Variants in BRF1 observed in about 807,000 individuals in gnomAD.
BRF1 encodes the protein transcription factor IIIB 90 kDa subunit.
A neutral mutation model predicts 81.7 loss-of-function variants in BRF1; 59 were observed. That is an observed-to-expected ratio of 0.72 (90% CI 0.59 to 0.90). The LOEUF (loss-of-function observed/expected upper bound fraction) is 0.90. Ranked by LOEUF, BRF1 falls within the 40% of genes least tolerant of loss-of-function variation. The pLI is 0.00. For synonymous variants in BRF1, 491 were observed against 395.6 expected, an observed-to-expected ratio of 1.24 and a Z score of -2.86; for missense variants, 1,050 against 936.3, an observed-to-expected ratio of 1.12 and a Z score of -1.58.
Position 105,247,700 on chromosome 14 carries a change from A to G in BRF1, c.544+4807T>C, listed in dbSNP as rs2140264038. The stretch of plus-strand genomic sequence containing the variant: ...GGGTTTCCTGCATATGGAAGTTTTA[A>G]AAGTCTAAAGCCTGGCGGTCCAGGA... On this transcript the variant is annotated intron_variant, in intron 5 of 17. Transcript: ENST00000547530. 5.1e-6 allele frequency: 5 copies of G among 985,348 alleles called. No homozygotes were observed. The South Asian group carries it at 2.3e-4, about 46-fold the overall frequency. 61.0% of individuals were successfully genotyped at this position (985,348 alleles called of 1,614,324 possible).
At position 105,312,999 on chromosome 14, in the gene BRF1, C is replaced by T. The variant is rs148025879; in HGVS notation, c.-162+2323G>A. ...TCCTCTTTTGTCACTTGGGATGGGA[C>T]AGAACTGTCACGTCCCTTAAGGGCT... On this transcript the variant is annotated intron_variant, in intron 1 of 17. Coordinates refer to the BRF1 transcript ENST00000327359. 7.9e-3 allele frequency among the ~76,000 whole-genome samples: 1,202 copies of T among 152,288 alleles called. 12 individuals carry two copies. Among genetic ancestry groups the T allele is most frequent in the Middle Eastern group, 0.027 (8 of 294 alleles).
At chr14:105,314,657 G>C (rs1438286841) in intron 1 of BRF1, 1 of 144,122 alleles carries the variant, frequency 6.9e-6, no homozygotes, top group Non-Finnish European at 1.5e-5. Context: ...CGGCGGCGCC[G>C]GCGCGGGTCG....
intron 3 of BRF1, 120 bp from the exon 4 acceptor site, chr14:105,256,669 A>C: frequency 7.0e-7 from 1 of 1,436,384 alleles, no homozygotes; most frequent in Non-Finnish European, 9.4e-7. Flanking sequence ...CTCCAAATAT[A>C]AGCTCCACCT....
At chr14:105,296,999 A>AAAT (rs1555392173) in intron 1 of BRF1, among the ~76,000 whole-genome samples, 2 of 150,694 alleles carry the variant, frequency 1.3e-5, no homozygotes, top group South Asian at 2.1e-4. Flanking sequence ...CTCTACTAAA[A>AAAT]ATACAAAAAT....
At chr14:105,258,945 G>T (rs1466761122) in intron 3 of BRF1, among the ~76,000 whole-genome samples, 1 of 152,144 alleles carries the variant, frequency 6.6e-6, no homozygotes, top group Non-Finnish European at 1.5e-5. Context: ...CATCAGAAAT[G>T]CAAACAAAAC....
chr14:105,280,735 G>A (rs975556091), intron 2 of BRF1, among the ~76,000 whole-genome samples: 8 of 151,530 alleles, frequency 5.3e-5, no homozygotes, highest in South Asian at 2.1e-4. Flanking sequence ...TACAGCCCGC[G>A]TGACCCTGAG....
chr14:105,264,519 T>C (rs1194691073), intron 3 of BRF1, among the ~76,000 whole-genome samples: 1 of 151,402 alleles, frequency 6.6e-6, no homozygotes, highest in Non-Finnish European at 1.5e-5. Flanking sequence ...AAAAAAAAAT[T>C]AGCCGGGCAT....
intron 6 of BRF1, among the ~76,000 whole-genome samples, chr14:105,229,598 T>TG (rs1193505555): frequency 7.2e-5 from 11 of 152,254 alleles, no homozygotes; most frequent in East Asian, 5.8e-4. Flanking sequence ...AGCTGCGACC[T>TG]GGGGGGTCAC....
At chr14:105,211,624 C>G in intron 16 of BRF1, 2 of 367,290 alleles carry the variant, frequency 5.4e-6, no homozygotes, top group Non-Finnish European at 9.9e-6. Context: ...CCTCAGCCCC[C>G]GGGGGCTTGG....
chr14:105,211,412 TC>T, intron 16 of BRF1, 119 bp from the exon 17 acceptor site: 1 of 1,017,514 alleles, frequency 9.8e-7, no homozygotes, highest in Non-Finnish European at 1.4e-6. Context: ...CACCAGTGGC[TC>T]CCGGGGTTGG....
chr14:105,220,180 G>T, intron 11 of BRF1, 50 bp from the exon 12 acceptor site: 1 of 1,608,574 alleles, frequency 6.2e-7, no homozygotes. Context: ...ACTGATTATA[G>T]GAGCGTGGCC....
intron 1 of BRF1, among the ~76,000 whole-genome samples, chr14:105,295,783 GA>G (rs59076857): frequency 0.015 from 1,844 of 124,428 alleles, 39 homozygotes; most frequent in African/African-American, 0.047. Flanking sequence ...CTTTGTCCCA[GA>G]AAAAAAAAAA....
chr14:105,315,018 A>G lies in BRF1; in HGVS notation c.-162+304T>C. 1 of 1,236,098 alleles carries G rather than the reference A, an allele frequency of 8.1e-7. No homozygotes were observed. The highest frequency in any genetic ancestry group is 1.7e-5 in the South Asian group (1 of 57,730). The allele number at this position is 1,236,098 out of a possible 1,614,324, so 76.6% of individuals were successfully genotyped here. A position where few individuals can be genotyped will look rare whatever the true frequency, so the allele number is the denominator to read the frequency against. ...CGCCACCTGGGAGGTGGACGGCTCC[A>G]GCCCCAGCTGCGTGCCCAGGTACGC... On this transcript the variant is annotated intron_variant, in intron 1 of 17. Transcript: ENST00000327359. This position sits in a 1 kb window ranked among gnomAD's most constrained non-coding sequence, Gnocchi z 4.4.
chr14:105,303,335 C>A (rs1255103293), upstream of BRF1, among the ~76,000 whole-genome samples: 6 of 152,176 alleles, frequency 3.9e-5, no homozygotes, highest in Non-Finnish European at 7.3e-5. Context: ...CCTCCACCTC[C>A]CGGGTTCATG....
chr14:105,247,902 G>C, intron 5 of BRF1: 1 of 985,584 alleles, frequency 1.0e-6, no homozygotes, highest in Non-Finnish European at 1.2e-6. Flanking sequence ...CCCAGGATTA[G>C]CCCCAGGCCG....
chr14:105,243,656 T>C (rs2054876680), intron 5 of BRF1, among the ~76,000 whole-genome samples: 1 of 151,642 alleles, frequency 6.6e-6, no homozygotes, highest in Non-Finnish European at 1.5e-5. Context: ...GAGACTTTGA[T>C]GCTCATTAAT....
intron 3 of BRF1, among the ~76,000 whole-genome samples, chr14:105,258,765 C>T (rs2056012792): frequency 6.6e-6 from 1 of 151,962 alleles, no homozygotes; most frequent in Admixed American, 6.6e-5. Flanking sequence ...CACCACTGCA[C>T]TCCAGCCTGG....
At chr14:105,227,221 C>T (rs1321659757) in intron 7 of BRF1, 1 of 168,068 alleles carries the variant, frequency 5.9e-6, no homozygotes, top group Non-Finnish European at 1.3e-5. Flanking sequence ...GAGTTTGAGA[C>T]CAGCCAGGCC....
intron 1 of BRF1, among the ~76,000 whole-genome samples, chr14:105,295,521 T>C (rs940995625): frequency 1.3e-5 from 2 of 151,466 alleles, no homozygotes; most frequent in South Asian, 2.1e-4. Flanking sequence ...GCTGGGAGGG[T>C]CACTGGAGCC....
Sources: gnomAD v4.1 joint callset for allele counts (sites outside exome capture counted in the v4.1 genomes callset) on GRCh38, gnomAD v4.1.1 for gene constraint, Gnocchi (gnomAD v3.1) non-coding constraint, MANE v1.5 for transcripts, NCBI Gene and HGNC (gene_info 2026-07-23, HGNC 2026-07-21) for gene names.